The following OVOL2 variants were observed in gnomAD, a reference collection of about 807,000 sequenced individuals.
OVOL2 encodes ovo like zinc finger 2.
In OVOL2, 13 loss-of-function variants were observed where a neutral mutation model predicts 18.1. The ratio of observed to expected loss-of-function variants is 0.72; its 90% CI spans 0.47 to 1.14. OVOL2 has a LOEUF of 1.14. OVOL2 is among the 50% of genes most tolerant of loss of function. OVOL2 has a pLI of 0.00. For missense variants in OVOL2, 335 were observed against 383.0 expected (o/e 0.87, Z 1.05); for synonymous variants, 166 against 162.7 (o/e 1.02, Z -0.16).
intron 2 of OVOL2, among the ~76,000 whole-genome samples, chr20:18,051,313 TA>T (rs2036769544): frequency 1.3e-5 from 2 of 152,052 alleles, no homozygotes; most frequent in Non-Finnish European, 1.5e-5. Context: ...TAAAGGTAAA[TA>T]AAGCGAATCC....
At chr20:18,028,582 C>T (rs1286180084) in intron 3 of OVOL2, among the ~76,000 whole-genome samples, 1 of 149,972 alleles carries the variant, frequency 6.7e-6, no homozygotes, top group Non-Finnish European at 1.5e-5. Flanking sequence ...CGCCTGAGGT[C>T]GGGAGTTCGA....
intron 3 of OVOL2, among the ~76,000 whole-genome samples, chr20:18,028,622 G>A (rs937281713): frequency 3.3e-5 from 5 of 151,892 alleles, no homozygotes; most frequent in Non-Finnish European, 7.4e-5. Flanking sequence ...GTGAAACCCC[G>A]TCTCTAGTAA....
chr20:18,048,013 T>TA (rs2036739735), intron 2 of OVOL2, among the ~76,000 whole-genome samples: 1 of 151,848 alleles, frequency 6.6e-6, no homozygotes, highest in South Asian at 2.1e-4. Context: ...CTCGGCCAGA[T>TA]ACGGTGGCTC....
chr20:18,028,077 AC>A (rs1235042583), intron 3 of OVOL2, among the ~76,000 whole-genome samples: 1 of 152,006 alleles, frequency 6.6e-6, no homozygotes. Flanking sequence ...ACCTGGAGAA[AC>A]CCGCAGACCC....
chr20:18,027,491 G>A (rs2122687053), intron 3 of OVOL2, among the ~76,000 whole-genome samples: 1 of 149,422 alleles, frequency 6.7e-6, no homozygotes, highest in Middle Eastern at 3.4e-3. Flanking sequence ...TTGTGCCACT[G>A]CACTCTAGCC....
intron 3 of OVOL2, among the ~76,000 whole-genome samples, chr20:18,028,722 G>A (rs2036541702): frequency 6.6e-6 from 1 of 152,042 alleles, no homozygotes; most frequent in African/African-American, 2.4e-5. Flanking sequence ...GAACCCAGCA[G>A]GCAGAGGTTG....
chr20:18,054,287 C>T (rs1019316273), intron 2 of OVOL2, among the ~76,000 whole-genome samples: 29 of 152,294 alleles, frequency 1.9e-4, no homozygotes, highest in African/African-American at 6.3e-4. Flanking sequence ...TATGATTAAC[C>T]GCTACTGCCA....
chr20:18,027,336 T>C lies in OVOL2; in HGVS notation c.512-2384A>G, dbSNP rs534116772. ...TGAGGTCAGGAGTTTGAGACCAGCC[T>C]GGCCAACATGGCGAAACCCCGTCTC... On this transcript the variant is annotated intron_variant, in intron 3 of 3. Coordinates refer to ENST00000278780, the MANE Select transcript of OVOL2 (RefSeq NM_021220.4). 3.2e-4 allele frequency among the ~76,000 whole-genome samples: 48 copies of C among 152,144 alleles called. No individual in the cohort carries two copies. In the South Asian group the frequency reaches 9.5e-3, roughly 30 times the overall value.
chr20:18,041,478 A>G (rs1175123934), intron 3 of OVOL2, 56 bp downstream of exon 3: 1 of 1,559,528 alleles, frequency 6.4e-7, no homozygotes, highest in Admixed American at 1.8e-5. Context: ...GGAAAGAAAC[A>G]GGAGCTCTTG....
rs1267259840 is a variant in OVOL2 at position 18,057,015 on chromosome 20, G to T, written c.101-138C>A. 2.1e-5 allele frequency: 21 copies of T among 1,015,882 alleles called. No individual in the cohort carries two copies. In the East Asian group the frequency reaches 6.6e-4, roughly 32 times the overall value. 62.9% of individuals were successfully genotyped at this position (1,015,882 alleles called of 1,614,324 possible). A position where few individuals can be genotyped will look rare whatever the true frequency, so the allele number is the denominator to read the frequency against. On this transcript the variant is annotated intron_variant, in intron 1 of 3. Transcript: ENST00000278780. The surrounding 1 kb of genome is among the most constrained non-coding windows in gnomAD (Gnocchi z 6.3). The stretch of plus-strand genomic sequence containing the variant: ...TCGCCAAGTGGGCAACGTCGCGGGG[G>T]AGGCCAGTAAGCCCCGAATCGGCCC...
intron 2 of OVOL2, among the ~76,000 whole-genome samples, chr20:18,043,921 A>G (rs919369336): frequency 4.6e-5 from 7 of 152,156 alleles, no homozygotes; most frequent in African/African-American, 1.7e-4. Context: ...GCCAAAATTC[A>G]TCACTAGCAA....
chr20:18,028,906 T>TA (rs1020468600), intron 3 of OVOL2, among the ~76,000 whole-genome samples: 77 of 152,060 alleles, frequency 5.1e-4, no homozygotes, highest in Non-Finnish European at 9.4e-4. Flanking sequence ...AGCAGTAAAT[T>TA]AAAAAAAATA....
At chr20:18,026,620 A>C in intron 3 of OVOL2, among the ~76,000 whole-genome samples, 1 of 152,094 alleles carries the variant, frequency 6.6e-6, no homozygotes, top group East Asian at 1.9e-4. Flanking sequence ...TGACCTTGTG[A>C]TCTGCCCCCC....
intron 3 of OVOL2, among the ~76,000 whole-genome samples, chr20:18,033,792 T>G: frequency 6.6e-6 from 1 of 152,080 alleles, no homozygotes; most frequent in East Asian, 1.9e-4. Context: ...TTTTTTCCTC[T>G]AAAATAAAGA....
chr20:18,035,763 A>C (rs946552815), intron 3 of OVOL2, among the ~76,000 whole-genome samples: 1 of 152,154 alleles, frequency 6.6e-6, no homozygotes, highest in African/African-American at 2.4e-5. Context: ...TAGGTCTAAA[A>C]CATTTCCATA....
At chr20:18,036,225 A>G (rs151140850) in intron 3 of OVOL2, among the ~76,000 whole-genome samples, 1,631 of 152,304 alleles carry the variant, frequency 0.011, 28 homozygotes, top group African/African-American at 0.037. Flanking sequence ...CCCGGGAGGC[A>G]GAGGTTGCAG....
At chr20:18,028,749 T>C (rs2036541873) in intron 3 of OVOL2, among the ~76,000 whole-genome samples, 1 of 152,012 alleles carries the variant, frequency 6.6e-6, no homozygotes, top group African/African-American at 2.4e-5. Context: ...GCTGAGATAG[T>C]GCCACCGCAC....
At chr20:18,026,583 A>T (rs559962731) in intron 3 of OVOL2, among the ~76,000 whole-genome samples, 4 of 152,000 alleles carry the variant, frequency 2.6e-5, no homozygotes, top group Admixed American at 6.6e-5. Flanking sequence ...GGGTTTCACC[A>T]TGTTAGCCAG....
At chr20:18,034,651 T>TCTCTCTCTCACA (rs773350112) in intron 3 of OVOL2, among the ~76,000 whole-genome samples, 1 of 145,612 alleles carries the variant, frequency 6.9e-6, no homozygotes, top group African/African-American at 2.6e-5. Context: ...TCTCTCTCTC[T>TCTCTCTCTCACA]CACACACACA....
Sources: gnomAD v4.1 joint callset for allele counts (sites outside exome capture counted in the v4.1 genomes callset) on GRCh38, gnomAD v4.1.1 for gene constraint, Gnocchi (gnomAD v3.1) non-coding constraint, MANE v1.5 for transcripts, NCBI Gene and HGNC (gene_info 2026-07-23, HGNC 2026-07-21) for gene names.